The following SLC25A48 variants were observed in gnomAD, a reference collection of about 807,000 sequenced individuals.
SLC25A48 encodes the protein solute carrier family 25 member 48.
A neutral mutation model predicts 32.2 loss-of-function variants in SLC25A48; 29 were observed. That is an observed-to-expected ratio of 0.90 (90% CI 0.67 to 1.23). The LOEUF is 1.23. Among genes scored for constraint, SLC25A48 ranks in the 50% most tolerant of loss-of-function variants. The pLI is 0.00. For synonymous variants in SLC25A48, 164 were observed against 172.3 expected, an observed-to-expected ratio of 0.95 and a Z score of 0.38; for missense variants, 399 against 422.7, an observed-to-expected ratio of 0.94 and a Z score of 0.49.
chr5:135,683,001 T>G (rs557585144), intron 3 of SLC25A48, among the ~76,000 whole-genome samples: 1 of 152,210 alleles, frequency 6.6e-6, no homozygotes, highest in Non-Finnish European at 1.5e-5. Flanking sequence ...TTAATGTCAC[T>G]GGATGGCTGT....
chr5:135,664,676 C>G (rs202214727), intron 3 of SLC25A48, among the ~76,000 whole-genome samples: 1 of 146,726 alleles, frequency 6.8e-6, no homozygotes, highest in African/African-American at 2.5e-5. Flanking sequence ...TGAAGACACA[C>G]AGTATTTAAT....
chr5:135,751,997 C>G (rs1203802882), intron 3 of SLC25A48, among the ~76,000 whole-genome samples: 3 of 152,222 alleles, frequency 2.0e-5, no homozygotes, highest in South Asian at 2.1e-4. Flanking sequence ...ATATTTCACA[C>G]CACATACAAA....
At chr5:135,785,366 C>T (rs1397447934) in intron 3 of SLC25A48, among the ~76,000 whole-genome samples, 1 of 151,098 alleles carries the variant, frequency 6.6e-6, no homozygotes, top group Non-Finnish European at 1.5e-5. Flanking sequence ...GGAGGTGGAA[C>T]CCTCCCCGCC....
chr5:135,841,316 G>A (rs1050570253), intron 1 of SLC25A48, among the ~76,000 whole-genome samples: 7 of 152,134 alleles, frequency 4.6e-5, no homozygotes, highest in South Asian at 2.1e-4. Flanking sequence ...TATCAAATAC[G>A]TGATTTCCAC....
At chr5:135,872,910 C>T (rs550870882) in intron 5 of SLC25A48, among the ~76,000 whole-genome samples, 1 of 152,346 alleles carries the variant, frequency 6.6e-6, no homozygotes, top group East Asian at 1.9e-4. Context: ...CCCCCAGGTG[C>T]CTGTGCTCAT....
At chr5:135,627,733 A>G (rs1752470165) in intron 1 of SLC25A48, among the ~76,000 whole-genome samples, 1 of 1,404 alleles carries the variant, frequency 7.1e-4, no homozygotes, top group Non-Finnish European at 1.3e-3. Flanking sequence ...ACCCAGTCCT[A>G]TTATTACTGC....
Position 135,834,826 on chromosome 5 carries a change from A to T in SLC25A48, c.-22A>T. The T allele has an allele frequency of 6.3e-7, 1 of 1,583,442 alleles. No homozygotes were observed. ...AAGTGGGCACTGCCCCGGCTCCGGG[A>T]GGGCGAGACCGAGCGCCGGCCATGG... On this transcript the variant is annotated 5_prime_UTR_variant, in exon 1 of 8. Transcript: ENST00000681962.
At chr5:135,788,926 C>CCG (rs1756933848) in intron 3 of SLC25A48, among the ~76,000 whole-genome samples, 1 of 144,162 alleles carries the variant, frequency 6.9e-6, no homozygotes, top group Non-Finnish European at 1.5e-5. Flanking sequence ...GCGTAATATC[C>CCG]GGGGGGAAGA....
At chr5:135,596,454 T>C (rs886253831) in intron 1 of SLC25A48, among the ~76,000 whole-genome samples, 2 of 152,186 alleles carry the variant, frequency 1.3e-5, no homozygotes, top group Non-Finnish European at 2.9e-5. Flanking sequence ...AGCAACACCA[T>C]GTCCCCATAC....
At chr5:135,653,448 G>A (rs1485654271) in intron 3 of SLC25A48, among the ~76,000 whole-genome samples, 3 of 152,218 alleles carry the variant, frequency 2.0e-5, no homozygotes, top group African/African-American at 7.2e-5. Context: ...AGGACTCAGA[G>A]CCTTCAGGAA....
intron 3 of SLC25A48, among the ~76,000 whole-genome samples, chr5:135,738,438 T>TG (rs1284723503): frequency 6.6e-6 from 1 of 152,122 alleles, no homozygotes; most frequent in Admixed American, 6.5e-5. Context: ...TTGCAGCTGA[T>TG]GGGAAGAGGT....
chr5:135,739,791 T>TA, intron 3 of SLC25A48, among the ~76,000 whole-genome samples: 1 of 152,112 alleles, frequency 6.6e-6, no homozygotes, highest in East Asian at 1.9e-4. Context: ...TTTTTTTTTT[T>TA]AAACTACCAC....
intron 3 of SLC25A48, among the ~76,000 whole-genome samples, chr5:135,770,683 C>T (rs1347449806): frequency 6.6e-6 from 1 of 151,164 alleles, no homozygotes; most frequent in Non-Finnish European, 1.5e-5. Context: ...TTTCTAATAT[C>T]CAGAAAATGA....
At chr5:135,756,461 G>A (rs1698909532) in intron 3 of SLC25A48, among the ~76,000 whole-genome samples, 1 of 152,194 alleles carries the variant, frequency 6.6e-6, no homozygotes, top group East Asian at 1.9e-4. Flanking sequence ...ATCACCTGGG[G>A]TCAGGAGTTT....
In SLC25A48 at chr5:135,667,754, G is replaced by A. The variant is rs192191320; in HGVS notation, c.-521+32798G>A. On this transcript the variant is annotated intron_variant, in intron 3 of 10. Transcript: ENST00000646290. ...AAATAAATACCTTTGAATGAATGAC[G>A]TAAAGCCATAAAAAATCCTGTCATT... Among the ~76,000 whole-genome samples the A allele has an allele frequency of 1.2e-3, 180 of 152,210 alleles. 1 individual carries two copies. The highest frequency in any genetic ancestry group is 3.8e-3 in the African/African-American group (156 of 41,516).
chr5:135,870,909 A>T, intron 4 of SLC25A48, among the ~76,000 whole-genome samples: 1 of 151,356 alleles, frequency 6.6e-6, no homozygotes, highest in East Asian at 1.9e-4. Flanking sequence ...ATAAAATTAT[A>T]AATATTAAAT....
At chr5:135,809,868 G>T (rs1271070098) in intron 3 of SLC25A48, among the ~76,000 whole-genome samples, 1 of 152,144 alleles carries the variant, frequency 6.6e-6, no homozygotes, top group African/African-American at 2.4e-5. Context: ...AAAGAGTCTT[G>T]CTCTGTTGCC....
At chr5:135,729,477 A>G (rs1358353812) in intron 3 of SLC25A48, among the ~76,000 whole-genome samples, 1 of 152,206 alleles carries the variant, frequency 6.6e-6, no homozygotes, top group Non-Finnish European at 1.5e-5. Context: ...ATTGCAGGGA[A>G]AATGTGTGTA....
chr5:135,681,604 T>G (rs913384307), intron 3 of SLC25A48, among the ~76,000 whole-genome samples: 2 of 152,246 alleles, frequency 1.3e-5, no homozygotes, highest in African/African-American at 2.4e-5. Flanking sequence ...CTTGGCAATA[T>G]GGTAATTTTT....
Sources: gnomAD v4.1 joint callset for allele counts (sites outside exome capture counted in the v4.1 genomes callset) on GRCh38, gnomAD v4.1.1 for gene constraint, MANE v1.5 for transcripts, NCBI Gene and HGNC (gene_info 2026-07-23, HGNC 2026-07-21) for gene names.